Variants in STPG2 observed in about 807,000 individuals in gnomAD.
STPG2 encodes sperm tail PG-rich repeat containing 2.
A neutral mutation model predicts 54.2 loss-of-function variants in STPG2; 56 were observed. That is an observed-to-expected ratio of 1.03 (90% confidence interval 0.83 to 1.29). The LOEUF (loss-of-function observed/expected upper bound fraction) is 1.29. STPG2 is among the 50% of genes most tolerant of loss of function. The pLI, the probability that STPG2 is intolerant of heterozygous loss-of-function variation, is 0.00. For missense variants in STPG2, 596 were observed against 544.9 expected (o/e 1.09, Z -0.93); for synonymous variants, 200 against 181.8 (o/e 1.10, Z -0.81).
rs112235007 is a variant in STPG2, at chr4:97,861,074, G to C, written c.1045-20142C>G. Among the ~76,000 whole-genome samples the C allele has an allele frequency of 5.9e-3, 891 of 152,102 alleles. 5 individuals are homozygous for C. The highest frequency in any genetic ancestry group is 0.02 in the Middle Eastern group (6 of 294). On this transcript the variant is annotated intron_variant, in intron 8 of 10. Coordinates refer to ENST00000295268, the MANE Select transcript of STPG2 (RefSeq NM_174952.3). ...TGAAGAGACAACCCTCAGAATGGCA[G>C]AAAATATTTACAAACTATCCATCTG...
chr4:98,014,649 C>T (rs1220959690), intron 5 of STPG2, among the ~76,000 whole-genome samples: 5 of 152,138 alleles, frequency 3.3e-5, no homozygotes, highest in Non-Finnish European at 1.5e-5. Flanking sequence ...GTGATGTATG[C>T]ACTATCATTA....
intron 10 of STPG2, among the ~76,000 whole-genome samples, chr4:97,618,970 T>A (rs1733938540): frequency 6.6e-6 from 1 of 152,160 alleles, no homozygotes. Context: ...ACTAAGTAAC[T>A]TACAAACATC....
At chr4:98,114,962 T>C (rs1485962752) in intron 3 of STPG2, among the ~76,000 whole-genome samples, 1 of 151,952 alleles carries the variant, frequency 6.6e-6, no homozygotes, top group Admixed American at 6.6e-5. Flanking sequence ...TACAGTTTCT[T>C]TTATGTCAAG....
At chr4:97,599,650 C>A (rs911017135) in intron 10 of STPG2, among the ~76,000 whole-genome samples, 1 of 151,762 alleles carries the variant, frequency 6.6e-6, no homozygotes, top group Non-Finnish European at 1.5e-5. Context: ...GGTGAAACCC[C>A]GTCTCTACTA....
At chr4:97,807,966 T>G (rs1208668638) in intron 9 of STPG2, among the ~76,000 whole-genome samples, 1 of 151,956 alleles carries the variant, frequency 6.6e-6, no homozygotes, top group Non-Finnish European at 1.5e-5. Context: ...GTTTTTGAAT[T>G]CTCCACAGAA....
chr4:98,078,996 G>A (rs1450091365), intron 5 of STPG2, among the ~76,000 whole-genome samples: 1 of 152,114 alleles, frequency 6.6e-6, no homozygotes, highest in African/African-American at 2.4e-5. Flanking sequence ...TTCTACTAAA[G>A]CCTTTCAATA....
At chr4:98,036,384 T>C (rs1013778076) in intron 5 of STPG2, among the ~76,000 whole-genome samples, 1 of 152,008 alleles carries the variant, frequency 6.6e-6, no homozygotes, top group African/African-American at 2.4e-5. Context: ...CCATTCACAA[T>C]AGCAAGGACG....
chr4:97,790,286 T>C (rs530439131), intron 9 of STPG2, among the ~76,000 whole-genome samples: 22 of 152,234 alleles, frequency 1.4e-4, no homozygotes, highest in African/African-American at 5.1e-4. Flanking sequence ...CTTTGAAAAA[T>C]AAAATATTGC....
chr4:97,882,269 G>T (rs549004538), intron 8 of STPG2, among the ~76,000 whole-genome samples: 2 of 152,266 alleles, frequency 1.3e-5, no homozygotes, highest in South Asian at 4.1e-4. Context: ...TAGAAAACTA[G>T]AGAAAGCATT....
intron 7 of STPG2, among the ~76,000 whole-genome samples, chr4:97,952,693 C>T (rs1409804935): frequency 6.6e-6 from 1 of 152,152 alleles, no homozygotes; most frequent in Non-Finnish European, 1.5e-5. Context: ...GGGTCATAGA[C>T]TCTATGAGAT....
chr4:97,921,545 A>G (rs1361458852), intron 8 of STPG2, among the ~76,000 whole-genome samples: 1 of 152,004 alleles, frequency 6.6e-6, no homozygotes, highest in Non-Finnish European at 1.5e-5. Context: ...CACTAAATCA[A>G]GCAGAAGAAA....
At chr4:97,653,210 T>C (rs756855699) in intron 10 of STPG2, among the ~76,000 whole-genome samples, 3 of 151,972 alleles carry the variant, frequency 2.0e-5, no homozygotes, top group Non-Finnish European at 4.4e-5. Context: ...ATTAAAGGCA[T>C]TGTAGACTCA....
Position 97,972,311 on chromosome 4 carries a change from G to C in STPG2, c.902C>G (p.Ala301Gly). 1 of 1,603,976 alleles carries C rather than the reference G, an allele frequency of 6.2e-7. No individual in the cohort carries two copies. The highest frequency in any genetic ancestry group is 8.5e-7 in the Non-Finnish European group (1 of 1,175,412). ...ATCAGCAGGTCCAGGGGTAGCACAA[G>C]CTTCTTTCTGAACCGAGAAGAAAGT... ...PRTFFSVQKE[A>G]CATPGPADYQ... The change falls in exon 7 of 11, where the codon GCT becomes GGT. Residue 301 changes from alanine to glycine, a missense_variant. Transcript: ENST00000295268.
intron 9 of STPG2, among the ~76,000 whole-genome samples, chr4:97,723,670 A>T (rs1367310418): frequency 6.6e-6 from 1 of 152,168 alleles, no homozygotes; most frequent in Non-Finnish European, 1.5e-5. Flanking sequence ...GAGACTGGGT[A>T]ATTTATAAGC....
chr4:98,107,786 A>G (rs1350912099), intron 4 of STPG2, among the ~76,000 whole-genome samples: 1 of 151,868 alleles, frequency 6.6e-6, no homozygotes, highest in Non-Finnish European at 1.5e-5. Flanking sequence ...GGTGAGAGAG[A>G]GAGAGCATGA....
intron 10 of STPG2, among the ~76,000 whole-genome samples, chr4:97,609,949 T>C (rs529469542): frequency 6.6e-6 from 1 of 152,054 alleles, no homozygotes; most frequent in South Asian, 2.1e-4. Context: ...ATATATTATA[T>C]GTGTATTTTT....
At chr4:97,780,011 A>G (rs1726550083) in intron 9 of STPG2, among the ~76,000 whole-genome samples, 4 of 150,040 alleles carry the variant, frequency 2.7e-5, no homozygotes, top group African/African-American at 9.8e-5. Context: ...TGCTAGGAAG[A>G]AACTGCATCA....
At chr4:97,927,721 G>A (rs1732389620) in intron 8 of STPG2, among the ~76,000 whole-genome samples, 1 of 152,002 alleles carries the variant, frequency 6.6e-6, no homozygotes, top group Non-Finnish European at 1.5e-5. Flanking sequence ...CTATTGGATT[G>A]CCTCAGTTTG....
intron 5 of STPG2, among the ~76,000 whole-genome samples, chr4:98,093,870 C>A (rs1238103601): frequency 2.6e-5 from 4 of 152,162 alleles, no homozygotes; most frequent in Non-Finnish European, 4.4e-5. Context: ...CTAGCCCTAG[C>A]CAGAGGGGAA....
Sources: allele counts gnomAD v4.1 joint callset (sites outside exome capture counted in the v4.1 genomes callset), GRCh38; gene constraint gnomAD v4.1.1; transcripts MANE v1.5; gene names NCBI Gene and HGNC (gene_info 2026-07-23, HGNC 2026-07-21).